Variants in LIPC observed in about 807,000 individuals in gnomAD.
The protein encoded by LIPC is lipase C, hepatic type.
In LIPC, 44 loss-of-function variants were observed where a neutral mutation model predicts 50.7. That is an observed-to-expected ratio of 0.87 (90% CI 0.68 to 1.11). The LOEUF is 1.11. Ranked by LOEUF, LIPC falls within the 50% of genes most tolerant of loss-of-function variation. The probability of loss-of-function intolerance (pLI) is 0.00; values close to 1 mark genes in which losing one functional copy is unlikely to be tolerated. For missense variants in LIPC, 697 were observed against 648.2 expected, an observed-to-expected ratio of 1.08 and a Z score of -0.82; for synonymous variants, 271 against 256.4, an observed-to-expected ratio of 1.06 and a Z score of -0.54.
chr15:58,533,080 A>G, intron 1 of LIPC: 4 of 775,458 alleles, frequency 5.2e-6, no homozygotes, highest in Non-Finnish European at 6.3e-6. Context: ...TTGATCACTT[A>G]CCTCAATTTA....
At chr15:58,475,722 C>T (rs1190222718) in intron 1 of LIPC, among the ~76,000 whole-genome samples, 6 of 152,200 alleles carry the variant, frequency 3.9e-5, no homozygotes, top group African/African-American at 1.4e-4. Flanking sequence ...AATGGATTTG[C>T]AACAAAGGGA....
chr15:58,542,727 G>T, intron 4 of LIPC, 76 bp downstream of exon 4: 3 of 960,552 alleles, frequency 3.1e-6, no homozygotes, highest in Non-Finnish European at 5.1e-6. Context: ...TTTCCAACAG[G>T]CTCATCATTA....
At chr15:58,494,832 C>T in intron 1 of LIPC, 1 of 456,258 alleles carries the variant, frequency 2.2e-6, no homozygotes, top group Non-Finnish European at 4.4e-6. Flanking sequence ...TGATCTGTTT[C>T]TTCATCTGAA....
At chr15:58,458,632 C>T (rs1441101084) in intron 1 of LIPC, among the ~76,000 whole-genome samples, 16 of 152,208 alleles carry the variant, frequency 1.1e-4, no homozygotes, top group Admixed American at 1.0e-3. Flanking sequence ...CAGAGACCAG[C>T]TTTCCAACAG....
At chr15:58,446,224 CAG>C (rs1191469552) in intron 1 of LIPC, among the ~76,000 whole-genome samples, 15 of 151,766 alleles carry the variant, frequency 9.9e-5, no homozygotes, top group African/African-American at 3.2e-4. Flanking sequence ...TTTTTTGAGA[CAG>C]AGTCTCACTC....
Position 58,542,515 on chromosome 15 carries a change from T to A in LIPC, c.457-19T>A, listed in dbSNP as rs773389548. On this transcript the variant is annotated intron_variant, in intron 3 of 8. Transcript: ENST00000299022. ...CCAGGCAGCTCTTCTCCTGCCCCCA[T>A]CCCGCTGCTGTCTTCCAGGAATCTG... 2 of 1,526,866 alleles carry A rather than the reference T, an allele frequency of 1.3e-6. No individual in the cohort carries two copies. Among genetic ancestry groups the A allele is most frequent in the Admixed American group, 3.3e-5 (2 of 59,900 alleles). The allele number at this position is 1,526,866 out of a possible 1,614,324, so 94.6% of individuals were successfully genotyped here. A position where few individuals can be genotyped will look rare whatever the true frequency, so the allele number is the denominator to read the frequency against.
chr15:58,437,409 A>G (rs1457894414), intron 1 of LIPC, among the ~76,000 whole-genome samples: 1 of 152,206 alleles, frequency 6.6e-6, no homozygotes, highest in African/African-American at 2.4e-5. Flanking sequence ...GGACTAAATA[A>G]TCTACATGTT....
intron 1 of LIPC, chr15:58,473,698 C>T (rs12591624): frequency 0.11 from 17,274 of 152,302 alleles, 1,188 homozygotes; most frequent in Non-Finnish European, 0.17. Context: ...ATTCTTCACA[C>T]AGCACTTGAT....
chr15:58,558,501 T>G (rs1044141288), intron 6 of LIPC, among the ~76,000 whole-genome samples: 1 of 152,158 alleles, frequency 6.6e-6, no homozygotes, highest in Non-Finnish European at 1.5e-5. Context: ...CTACAGACAG[T>G]GGGCAATTAG....
chr15:58,554,730 A>C (rs1893874816), intron 6 of LIPC, among the ~76,000 whole-genome samples: 1 of 152,154 alleles, frequency 6.6e-6, no homozygotes, highest in African/African-American at 2.4e-5. Context: ...TCATCTCTAC[A>C]AAAGAGGAGG....
In LIPC at chr15:58,545,734, C is replaced by A. The variant is rs6080; in HGVS notation, c.575-8C>A. 54,573 of 1,613,420 alleles carry A rather than the reference C, an allele frequency of 0.034. 1,069 individuals carry two copies. Among genetic ancestry groups the A allele is most frequent in the Middle Eastern group, 0.048 (293 of 6,054 alleles). The stretch of plus-strand genomic sequence containing the variant: ...CCTGCGTAACCCTTACCCCTGCTTT[C>A]CCATTAGGGCTGGATGCCGCGGGAC... On this transcript the variant is annotated splice_region_variant and splice_polypyrimidine_tract_variant and intron_variant, in intron 4 of 8. Transcript: ENST00000299022.
At chr15:58,527,941 AG>A (rs1892841813) in intron 1 of LIPC, among the ~76,000 whole-genome samples, 1 of 152,112 alleles carries the variant, frequency 6.6e-6, no homozygotes, top group South Asian at 2.1e-4. Context: ...CTCATCAGGC[AG>A]CCCCCAAACC....
At chr15:58,503,138 C>G (rs2140841246) in intron 1 of LIPC, among the ~76,000 whole-genome samples, 1 of 152,334 alleles carries the variant, frequency 6.6e-6, no homozygotes, top group African/African-American at 2.4e-5. Flanking sequence ...TCTTAACCCT[C>G]ACAATTCAGA....
At chr15:58,516,202 A>C (rs1385741378) in intron 1 of LIPC, among the ~76,000 whole-genome samples, 3 of 133,876 alleles carry the variant, frequency 2.2e-5, no homozygotes, top group East Asian at 2.2e-4. Flanking sequence ...TATCTTTGTC[A>C]CTGAGTATGC....
chr15:58,508,725 T>A (rs35138158), intron 1 of LIPC, among the ~76,000 whole-genome samples: 5 of 97,316 alleles, frequency 5.1e-5, no homozygotes, highest in Non-Finnish European at 1.2e-4. Flanking sequence ...TTAGTCCCAG[T>A]TTTTTTTTGG....
At chr15:58,448,935 A>C (rs485671) in intron 1 of LIPC, among the ~76,000 whole-genome samples, 122,315 of 152,132 alleles carry the variant, frequency 0.8, 49,371 homozygotes, top group Middle Eastern at 0.85. Flanking sequence ...AGGCTTGTCT[A>C]CCCTGAAGGA....
intron 1 of LIPC, among the ~76,000 whole-genome samples, chr15:58,467,475 A>G (rs1894611642): frequency 6.6e-6 from 1 of 152,134 alleles, no homozygotes; most frequent in African/African-American, 2.4e-5. Flanking sequence ...GTCCTTTCCC[A>G]GAGAGCTTTG....
At chr15:58,549,469 T>TA (rs1893669815) in intron 6 of LIPC, among the ~76,000 whole-genome samples, 1 of 152,222 alleles carries the variant, frequency 6.6e-6, no homozygotes, top group South Asian at 2.1e-4. Context: ...AGCCATCAGC[T>TA]CCTTGTGGTT....
intron 6 of LIPC, among the ~76,000 whole-genome samples, chr15:58,552,204 G>C (rs569852625): frequency 6.6e-6 from 1 of 152,292 alleles, no homozygotes; most frequent in East Asian, 1.9e-4. Context: ...ACTCTGCCCG[G>C]GCACTGGGCT....
Sources: allele counts gnomAD v4.1 joint callset (sites outside exome capture counted in the v4.1 genomes callset), GRCh38; gene constraint gnomAD v4.1.1; transcripts MANE v1.5; gene names NCBI Gene and HGNC (gene_info 2026-07-23, HGNC 2026-07-21).